Variants in USP34 observed in about 807,000 individuals in gnomAD.
USP34 encodes ubiquitin specific peptidase 34.
Under a neutral mutation model 460.3 loss-of-function variants are expected in USP34, and 70 were observed. The ratio of observed to expected loss-of-function variants is 0.15; its 90% confidence interval spans 0.13 to 0.19. USP34 has a LOEUF of 0.19. USP34 is among the 10% of genes least tolerant of loss of function. The pLI is 1.00. For missense variants in USP34, 3,985 were observed against 4,236.2 expected (o/e 0.94, Z 1.65); for synonymous variants, 1,647 against 1,405.3 (o/e 1.17, Z -3.85).
chr2:61,220,970 C>T (rs948309278), intron 66 of USP34, among the ~76,000 whole-genome samples: 3 of 100,852 alleles, frequency 3.0e-5, no homozygotes, highest in African/African-American at 1.8e-4. Flanking sequence ...TTGAAACACA[C>T]CCATAACCCA....
chr2:61,288,957 C>A (rs969268505), intron 33 of USP34, 80 bp from the exon 34 acceptor site: 24 of 1,435,068 alleles, frequency 1.7e-5, no homozygotes, highest in East Asian at 2.4e-5. Context: ...ATTAAAAGAC[C>A]AGAAAATAAA....
At chr2:61,432,439 T>A (rs1694705619) in intron 1 of USP34, among the ~76,000 whole-genome samples, 1 of 152,172 alleles carries the variant, frequency 6.6e-6, no homozygotes, top group African/African-American at 2.4e-5. Flanking sequence ...AGCATGCCAC[T>A]GCACTCCAGC....
intron 33 of USP34, among the ~76,000 whole-genome samples, chr2:61,290,117 C>T (rs1689806857): frequency 6.6e-6 from 1 of 152,084 alleles, no homozygotes; most frequent in Non-Finnish European, 1.5e-5. Context: ...ACATCATTAG[C>T]AATGAAGGAA....
chr2:61,347,712 T>C (rs1468082230), intron 15 of USP34, among the ~76,000 whole-genome samples, 158 bp downstream of exon 15: 5 of 152,192 alleles, frequency 3.3e-5, no homozygotes, highest in Admixed American at 6.5e-5. Flanking sequence ...ATGTGCCCAA[T>C]AGAAAACTTG....
At chr2:61,348,652 G>A (rs944176516) in intron 14 of USP34, 104 bp downstream of exon 14, 24 of 1,463,666 alleles carry the variant, frequency 1.6e-5, no homozygotes, top group Non-Finnish European at 1.9e-5. Context: ...ACGTAAAGGA[G>A]AGGACAAGCC....
chr2:61,289,887 G>A (rs917883174), intron 33 of USP34, among the ~76,000 whole-genome samples: 2 of 152,020 alleles, frequency 1.3e-5, no homozygotes, highest in Non-Finnish European at 1.5e-5. Flanking sequence ...TTGTAGACTG[G>A]ATACAAATTT....
intron 8 of USP34, among the ~76,000 whole-genome samples, chr2:61,374,245 T>C (rs892428520): frequency 8.0e-5 from 12 of 150,676 alleles, no homozygotes; most frequent in Admixed American, 2.0e-4. Context: ...CCTAAACAAG[T>C]GTTAGGGTTG....
At chr2:61,255,152 C>A (rs1688691772) in intron 48 of USP34, among the ~76,000 whole-genome samples, 1 of 152,090 alleles carries the variant, frequency 6.6e-6, no homozygotes, top group African/African-American at 2.4e-5. Context: ...TTGAAGACCA[C>A]TAAATTATTA....
chr2:61,359,036 A>G (rs1692192950), intron 10 of USP34, among the ~76,000 whole-genome samples: 1 of 152,230 alleles, frequency 6.6e-6, no homozygotes, highest in Non-Finnish European at 1.5e-5. Flanking sequence ...TACTGCCTCC[A>G]AAGTGATCCA....
At chr2:61,279,769 TTTAC>T (rs754754107) in intron 39 of USP34, among the ~76,000 whole-genome samples, 5 of 152,180 alleles carry the variant, frequency 3.3e-5, no homozygotes, top group Non-Finnish European at 5.9e-5. Flanking sequence ...TGGCCTGAAA[TTTAC>T]TTGTTTTAAA....
chr2:61,436,089 T>C lies in USP34; in HGVS notation c.44-15256A>G, dbSNP rs192155896. ...ACAACAACAAAAAAATTCAACAATA[T>C]GCTGTCAACAAGATACTAACTTCAT... On this transcript the variant is annotated intron_variant, in intron 1 of 79. Transcript: ENST00000398571. 7.6e-3 allele frequency among the ~76,000 whole-genome samples: 1,163 copies of C among 152,106 alleles called. 53 individuals carry two copies. The highest frequency in any genetic ancestry group is 0.07 in the Admixed American group (1,068 of 15,238).
chr2:61,287,555 CT>C (rs1689726236), intron 34 of USP34, among the ~76,000 whole-genome samples: 1 of 152,174 alleles, frequency 6.6e-6, no homozygotes, highest in Admixed American at 6.5e-5. Flanking sequence ...CCTCACCTTC[CT>C]CCTCCTCTTC....
intron 8 of USP34, 143 bp downstream of exon 8, chr2:61,378,220 G>C: frequency 1.7e-6 from 1 of 594,514 alleles, no homozygotes; most frequent in Non-Finnish European, 2.9e-6. Flanking sequence ...ATAATGTTCT[G>C]AAAGCTTCAT....
At chr2:61,317,598 T>A in intron 23 of USP34, 56 bp downstream of exon 23, 1 of 1,463,826 alleles carries the variant, frequency 6.8e-7, no homozygotes, top group Non-Finnish European at 9.5e-7. Context: ...GAAACCGAAT[T>A]TGATAATCTA....
chr2:61,420,550 T>C (rs540076369), intron 2 of USP34, among the ~76,000 whole-genome samples, 196 bp downstream of exon 2: 1 of 152,300 alleles, frequency 6.6e-6, no homozygotes, highest in South Asian at 2.1e-4. Flanking sequence ...AGAAAGAAAC[T>C]GATATTTATG....
chr2:61,412,301 G>A (rs181707782), intron 2 of USP34, among the ~76,000 whole-genome samples: 2 of 151,168 alleles, frequency 1.3e-5, no homozygotes, highest in African/African-American at 4.9e-5. Flanking sequence ...AAAGATTTTA[G>A]CTGTAATTTA....
At chr2:61,276,672 T>C (rs1206567712) in intron 41 of USP34, among the ~76,000 whole-genome samples, 1 of 152,196 alleles carries the variant, frequency 6.6e-6, no homozygotes, top group Non-Finnish European at 1.5e-5. Flanking sequence ...ATAAAAGTTA[T>C]ATACTAGTTT....
intron 57 of USP34, among the ~76,000 whole-genome samples, chr2:61,233,621 T>G (rs1006559661): frequency 7.2e-5 from 11 of 151,880 alleles, no homozygotes; most frequent in Non-Finnish European, 1.5e-4. Context: ...AAGCCTGGAG[T>G]TTGAGACCAG....
intron 1 of USP34, among the ~76,000 whole-genome samples, chr2:61,444,635 G>C (rs776416579): frequency 1.3e-5 from 2 of 152,018 alleles, no homozygotes; most frequent in African/African-American, 2.4e-5. Context: ...CAAAAACAAA[G>C]AAAATCTTAA....
Sources: allele counts gnomAD v4.1 joint callset (sites outside exome capture counted in the v4.1 genomes callset), GRCh38; gene constraint gnomAD v4.1.1; transcripts MANE v1.5; gene names NCBI Gene and HGNC (gene_info 2026-07-23, HGNC 2026-07-21).